MID1: variants seen among roughly 807,000 people sequenced by gnomAD.
The protein encoded by MID1 is midline 1.
In MID1, 7 loss-of-function variants were observed where a neutral mutation model predicts 40.4. The observed-to-expected ratio is 0.17, with a 90% CI of 0.10 to 0.33. The LOEUF (loss-of-function observed/expected upper bound fraction) is 0.33. Ranked by LOEUF, MID1 falls within the 10% of genes least tolerant of loss-of-function variation. MID1 has a pLI of 1.00. For synonymous variants in MID1, 229 were observed against 221.2 expected, an observed-to-expected ratio of 1.04 and a Z score of -0.31; for missense variants, 367 against 558.5, an observed-to-expected ratio of 0.66 and a Z score of 3.46.
intron 2 of MID1, 100 bp downstream of exon 2, chrX:10,566,788 A>C (rs1298581985): frequency 2.2e-6 from 2 of 913,434 alleles, no homozygotes; most frequent in Non-Finnish European, 1.6e-6. Flanking sequence ...AAAGGTGAGG[A>C]GAAAACCTTC....
intron 3 of MID1, among the ~76,000 whole-genome samples, chrX:10,519,383 A>G (rs918400306): frequency 1.9e-4 from 21 of 111,889 alleles, no homozygotes; most frequent in Non-Finnish European, 3.2e-4. Flanking sequence ...CTTGTTCACT[A>G]TTATTTCCAA....
intron 1 of MID1, among the ~76,000 whole-genome samples, chrX:10,685,918 A>ACACT (rs1296233552): frequency 2.8e-5 from 3 of 105,514 alleles, no homozygotes; most frequent in Non-Finnish European, 2.0e-5. Context: ...ACACACACAC[A>ACACT]CTCACCCCTA....
intron 2 of MID1, among the ~76,000 whole-genome samples, chrX:10,530,401 G>A (rs1017761972): frequency 8.9e-6 from 1 of 111,957 alleles, no homozygotes; most frequent in Non-Finnish European, 1.9e-5. Flanking sequence ...AAAAGGCAAG[G>A]ATACCTGTGG....
chrX:10,700,384 T>G (rs956491338), intron 1 of MID1, among the ~76,000 whole-genome samples: 10 of 109,935 alleles, frequency 9.1e-5, no homozygotes, highest in African/African-American at 3.3e-4. Flanking sequence ...AGTCCCCATC[T>G]CTACAAAGAA....
At chrX:10,482,949 C>A (rs759504389) in intron 4 of MID1, among the ~76,000 whole-genome samples, 2 of 112,451 alleles carry the variant, frequency 1.8e-5, no homozygotes, top group African/African-American at 3.2e-5. Flanking sequence ...CTATTCCACA[C>A]AATGACTGCA....
intron 1 of MID1, among the ~76,000 whole-genome samples, chrX:10,583,071 T>C (rs893403528): frequency 9.0e-6 from 1 of 111,707 alleles, no homozygotes; most frequent in Admixed American, 9.5e-5. Flanking sequence ...TAAAACCAGA[T>C]GAGTCATTTC....
intron 1 of MID1, among the ~76,000 whole-genome samples, chrX:10,736,368 T>C (rs1227966583): frequency 8.9e-6 from 1 of 112,542 alleles, no homozygotes; most frequent in Non-Finnish European, 1.9e-5. Context: ...TTCACAGTTA[T>C]CTCTATTATT....
chrX:10,794,977 T>C (rs1446070126), intron 1 of MID1, among the ~76,000 whole-genome samples: 1 of 111,710 alleles, frequency 9.0e-6, no homozygotes, highest in African/African-American at 3.3e-5. Flanking sequence ...GTACTTTCTG[T>C]GGACTCAGTG....
At chrX:10,638,689 G>T (rs947136065) in intron 1 of MID1, among the ~76,000 whole-genome samples, 3 of 112,176 alleles carry the variant, frequency 2.7e-5, no homozygotes, top group Non-Finnish European at 5.6e-5. Flanking sequence ...TGAGATCTGA[G>T]AACAGACAGA....
intron 8 of MID1, among the ~76,000 whole-genome samples, chrX:10,455,591 T>G (rs981612084): frequency 8.9e-6 from 1 of 112,170 alleles, no homozygotes; most frequent in African/African-American, 3.2e-5. Context: ...CAGTGTTCTA[T>G]CCAGCATAAG....
At chrX:10,593,627 T>C (rs769800492) in intron 1 of MID1, among the ~76,000 whole-genome samples, 62 of 111,008 alleles carry the variant, frequency 5.6e-4, no homozygotes, top group African/African-American at 1.9e-3. Flanking sequence ...TTAGCTAAGA[T>C]CACTTCCAGC....
intron 3 of MID1, among the ~76,000 whole-genome samples, chrX:10,511,087 A>T (rs1932126930): frequency 9.3e-6 from 1 of 107,827 alleles, no homozygotes; most frequent in South Asian, 4.2e-4. Context: ...TCTACTAAAG[A>T]TACAAAAATT....
chrX:10,583,921 C>T (rs1935075762), intron 1 of MID1, among the ~76,000 whole-genome samples: 1 of 109,977 alleles, frequency 9.1e-6, no homozygotes, highest in Non-Finnish European at 1.9e-5. Context: ...ATCCCAGCTA[C>T]TCGGGAGGCT....
intron 1 of MID1, among the ~76,000 whole-genome samples, chrX:10,719,296 C>A (rs1367519279): frequency 9.2e-4 from 102 of 111,234 alleles, no homozygotes; most frequent in South Asian, 1.9e-3. Flanking sequence ...ATCTAGAAAA[C>A]CCCATCGTCT....
intron 3 of MID1, chrX:10,506,121 C>T: frequency 1.2e-6 from 1 of 839,071 alleles, no homozygotes; most frequent in Non-Finnish European, 1.4e-6. Flanking sequence ...TCTAGAATAT[C>T]AGGAGAAGTG....
At chrX:10,610,325 C>T (rs1935715145) in intron 1 of MID1, among the ~76,000 whole-genome samples, 1 of 112,249 alleles carries the variant, frequency 8.9e-6, no homozygotes, top group Admixed American at 9.5e-5. Context: ...ACAGATACAT[C>T]CGCCCCATAC....
chrX:10,487,255 C>G (rs1343236899), intron 4 of MID1, among the ~76,000 whole-genome samples: 1 of 111,566 alleles, frequency 9.0e-6, no homozygotes, highest in Non-Finnish European at 1.9e-5. Flanking sequence ...AAATTTAGAG[C>G]TGATCACTCC....
chrX:10,784,007 T>A (rs1462000845), intron 1 of MID1, among the ~76,000 whole-genome samples: 1 of 111,639 alleles, frequency 9.0e-6, no homozygotes, highest in South Asian at 3.7e-4. Flanking sequence ...TTGCTACAAA[T>A]AAAAAATATT....
chrX:10,600,860 C>CT (rs1373004346), intron 1 of MID1, among the ~76,000 whole-genome samples: 29 of 108,395 alleles, frequency 2.7e-4, no homozygotes, highest in East Asian at 2.9e-4. Flanking sequence ...ATTGTTGATA[C>CT]TTTTTTTTTT....
Sources: allele counts gnomAD v4.1 joint callset (sites outside exome capture counted in the v4.1 genomes callset), GRCh38; gene constraint gnomAD v4.1.1; transcripts MANE v1.5; gene names NCBI Gene and HGNC (gene_info 2026-07-23, HGNC 2026-07-21).